The following CHCHD3 variants were observed in gnomAD, a reference collection of about 807,000 sequenced individuals.
CHCHD3 encodes the protein MICOS complex subunit MIC19.
In CHCHD3, 20 loss-of-function variants were observed where a neutral mutation model predicts 38.2. The observed-to-expected ratio is 0.52, with a 90% CI of 0.37 to 0.76. CHCHD3 has a LOEUF of 0.76. Ranked by LOEUF, CHCHD3 falls within the 30% of genes least tolerant of loss-of-function variation. The pLI, the probability that CHCHD3 is intolerant of heterozygous loss-of-function variation, is 0.00. For missense variants in CHCHD3, 245 were observed against 279.2 expected (o/e 0.88, Z 0.87); for synonymous variants, 82 against 100.0 (o/e 0.82, Z 1.07).
intron 6 of CHCHD3, among the ~76,000 whole-genome samples, chr7:132,829,478 A>G (rs1807586475): frequency 6.6e-6 from 1 of 152,192 alleles, no homozygotes; most frequent in Non-Finnish European, 1.5e-5. Flanking sequence ...GTTAGCTCAC[A>G]CAGAACGAAT....
At chr7:132,805,292 A>G (rs563648775) in intron 6 of CHCHD3, among the ~76,000 whole-genome samples, 24 of 151,970 alleles carry the variant, frequency 1.6e-4, no homozygotes, top group African/African-American at 5.1e-4. Flanking sequence ...TTCTGAGGGC[A>G]TAACCATTCT....
chr7:133,023,361 A>C (rs1318715557), intron 3 of CHCHD3, among the ~76,000 whole-genome samples: 1 of 152,202 alleles, frequency 6.6e-6, no homozygotes, highest in Non-Finnish European at 1.5e-5. Flanking sequence ...TTAAATAATA[A>C]TTTTTCACAA....
intron 4 of CHCHD3, among the ~76,000 whole-genome samples, chr7:132,912,248 A>C (rs1462367882): frequency 6.6e-6 from 1 of 152,206 alleles, no homozygotes; most frequent in Non-Finnish European, 1.5e-5. Flanking sequence ...TTAGAAAATC[A>C]GATTCAACTG....
At chr7:132,896,823 T>G (rs1415133328) in intron 4 of CHCHD3, among the ~76,000 whole-genome samples, 7 of 152,208 alleles carry the variant, frequency 4.6e-5, no homozygotes, top group Non-Finnish European at 2.9e-5. Flanking sequence ...AAGGACTGTA[T>G]GTCACAGTAT....
In CHCHD3 at chr7:133,055,808, C is replaced by T. The variant is rs112379637; in HGVS notation, c.169+14334G>A. On this transcript the variant is annotated intron_variant, in intron 2 of 7. Coordinates refer to ENST00000262570, the MANE Select transcript of CHCHD3 (RefSeq NM_017812.4). Reference sequence around the variant, plus strand: ...TGATATCTCTCCCTCACTCCTCCCCCACCATACTCACACATATATATTAAT... The same window carrying T: ...TGATATCTCTCCCTCACTCCTCCCCTACCATACTCACACATATATATTAAT... Among the ~76,000 whole-genome samples, 724 of 151,794 alleles carry T rather than the reference C, an allele frequency of 4.8e-3. 10 individuals are homozygous for T. Among genetic ancestry groups the T allele is most frequent in the African/African-American group, 0.016 (670 of 41,402 alleles).
intron 2 of CHCHD3, among the ~76,000 whole-genome samples, chr7:133,052,222 C>T (rs1239955560): frequency 6.6e-6 from 1 of 152,182 alleles, no homozygotes; most frequent in Non-Finnish European, 1.5e-5. Context: ...TCTGCAGCTA[C>T]AGACCTTCAC....
At position 132,930,387 on chromosome 7, in the gene CHCHD3, T is replaced by C. The variant is rs1029416670; in HGVS notation, c.370-44642A>G. Reference sequence around the variant, plus strand: ...TCTCACCATGTTGGCCAGACTGGTCTCAAACTCCTGACCTCAGGCAATCTG... The same window carrying C: ...TCTCACCATGTTGGCCAGACTGGTCCCAAACTCCTGACCTCAGGCAATCTG... On this transcript the variant is annotated intron_variant, in intron 4 of 7. Coordinates refer to ENST00000262570, the MANE Select transcript of CHCHD3 (RefSeq NM_017812.4). Among the ~76,000 whole-genome samples the C allele has an allele frequency of 4.6e-5, 7 of 152,250 alleles. No individual in the cohort carries two copies. The East Asian group carries it at 1.2e-3, about 25-fold the overall frequency.
At chr7:132,934,477 G>A (rs1014762030) in intron 4 of CHCHD3, among the ~76,000 whole-genome samples, 4 of 152,128 alleles carry the variant, frequency 2.6e-5, no homozygotes, top group Non-Finnish European at 5.9e-5. Flanking sequence ...CCACATCGCT[G>A]TTCTTCATAT....
At chr7:132,984,328 G>A (rs1812015403) in intron 3 of CHCHD3, among the ~76,000 whole-genome samples, 1 of 151,938 alleles carries the variant, frequency 6.6e-6, no homozygotes, top group African/African-American at 2.4e-5. Flanking sequence ...GCCTCCCGAG[G>A]TGCCGGGATG....
At chr7:132,933,926 G>T (rs973324887) in intron 4 of CHCHD3, among the ~76,000 whole-genome samples, 1 of 152,214 alleles carries the variant, frequency 6.6e-6, no homozygotes, top group Non-Finnish European at 1.5e-5. Context: ...TGGGTTGTGG[G>T]TGGATGTCAA....
chr7:132,972,618 T>C (rs914921040), intron 4 of CHCHD3: 2 of 985,288 alleles, frequency 2.0e-6, no homozygotes, highest in African/African-American at 3.5e-5. Context: ...TAACTAAATG[T>C]CACTGGCAGC....
chr7:133,065,699 ATT>A (rs1202129894), intron 2 of CHCHD3, among the ~76,000 whole-genome samples: 1 of 152,236 alleles, frequency 6.6e-6, no homozygotes, highest in East Asian at 1.9e-4. Flanking sequence ...GAAATCTATT[ATT>A]GAGTACTAAC....
At chr7:133,080,654 A>ATATTTATATTT (rs1420922828) in intron 1 of CHCHD3, among the ~76,000 whole-genome samples, 1 of 152,238 alleles carries the variant, frequency 6.6e-6, no homozygotes, top group East Asian at 1.9e-4. Flanking sequence ...ACAGCCTCAG[A>ATATTTATATTT]TATTTTATTA....
At chr7:132,997,659 T>TAAAAAAAAAAAAA (rs71178073) in intron 3 of CHCHD3, among the ~76,000 whole-genome samples, 3 of 81,738 alleles carry the variant, frequency 3.7e-5, no homozygotes, top group Admixed American at 1.4e-4. Flanking sequence ...AACAGGGTTG[T>TAAAAAAAAAAAAA]AAAAAAAAAA....
chr7:132,823,959 G>A, intron 6 of CHCHD3, among the ~76,000 whole-genome samples: 1 of 152,130 alleles, frequency 6.6e-6, no homozygotes. Context: ...AACATCCTAT[G>A]AACCCAATCT....
At chr7:132,967,890 A>C (rs1562924517) in intron 4 of CHCHD3, among the ~76,000 whole-genome samples, 1 of 151,850 alleles carries the variant, frequency 6.6e-6, no homozygotes, top group African/African-American at 2.4e-5. Flanking sequence ...CGGGTCTGAC[A>C]ATGTACATTT....
At chr7:132,843,795 CA>C (rs1196196593) in intron 5 of CHCHD3, among the ~76,000 whole-genome samples, 1 of 152,064 alleles carries the variant, frequency 6.6e-6, no homozygotes, top group Non-Finnish European at 1.5e-5. Flanking sequence ...GTTAACCCTG[CA>C]GTTCGTAGTA....
chr7:132,819,612 G>C (rs1385710900), intron 6 of CHCHD3, among the ~76,000 whole-genome samples: 1 of 152,214 alleles, frequency 6.6e-6, no homozygotes, highest in Non-Finnish European at 1.5e-5. Context: ...CACTTGAGAA[G>C]GGAGATGGGG....
chr7:132,966,766 A>C (rs896673317), intron 4 of CHCHD3, among the ~76,000 whole-genome samples: 1 of 152,218 alleles, frequency 6.6e-6, no homozygotes, highest in Non-Finnish European at 1.5e-5. Context: ...TTCAAAACAT[A>C]ATGTGCAAAA....
Sources: allele counts gnomAD v4.1 joint callset (sites outside exome capture counted in the v4.1 genomes callset), GRCh38; gene constraint gnomAD v4.1.1; transcripts MANE v1.5; gene names NCBI Gene and HGNC (gene_info 2026-07-23, HGNC 2026-07-21).